The following LUZP2 variants were observed in gnomAD, a reference collection of about 807,000 sequenced individuals.
The protein encoded by LUZP2 is leucine zipper protein 2.
LUZP2 carries 52 observed loss-of-function variants against 51.6 expected under a neutral mutation model. That is an observed-to-expected ratio of 1.01 (90% confidence interval 0.81 to 1.27). The LOEUF (loss-of-function observed/expected upper bound fraction) is 1.27. Ranked by LOEUF, LUZP2 falls within the 50% of genes most tolerant of loss-of-function variation. The pLI, the probability that LUZP2 is intolerant of heterozygous loss-of-function variation, is 0.00. For synonymous variants in LUZP2, 154 were observed against 137.3 expected (o/e 1.12, Z -0.85); for missense variants, 436 against 395.4 (o/e 1.10, Z -0.87).
At chr11:24,683,783 C>A (rs1856817751) in intron 1 of LUZP2, among the ~76,000 whole-genome samples, 1 of 152,204 alleles carries the variant, frequency 6.6e-6, no homozygotes, top group Non-Finnish European at 1.5e-5. Context: ...TGCCCCTAAG[C>A]TGACTCATCT....
At chr11:25,075,407 C>G (rs1859271377) in intron 10 of LUZP2, among the ~76,000 whole-genome samples, 1 of 152,038 alleles carries the variant, frequency 6.6e-6, no homozygotes, top group African/African-American at 2.4e-5. Context: ...TATGAAAATT[C>G]TAAAGTATTG....
intron 1 of LUZP2, among the ~76,000 whole-genome samples, chr11:24,603,437 G>T (rs1853811568): frequency 1.3e-5 from 2 of 151,672 alleles, no homozygotes; most frequent in Admixed American, 6.6e-5. Context: ...TGAAATATTT[G>T]AATATCATCC....
At chr11:25,013,257 T>C (rs1319087619) in intron 9 of LUZP2, among the ~76,000 whole-genome samples, 1 of 151,934 alleles carries the variant, frequency 6.6e-6, no homozygotes, top group African/African-American at 2.4e-5. Flanking sequence ...AGGAGTGGGT[T>C]AATGGGTACA....
chr11:24,673,236 G>A (rs768075702), intron 1 of LUZP2, among the ~76,000 whole-genome samples: 6 of 152,152 alleles, frequency 3.9e-5, no homozygotes, highest in Non-Finnish European at 7.4e-5. Flanking sequence ...AGGTAGAGTA[G>A]AAATACAGTA....
At chr11:24,650,088 G>A (rs879940495) in intron 1 of LUZP2, among the ~76,000 whole-genome samples, 7 of 151,564 alleles carry the variant, frequency 4.6e-5, no homozygotes, top group Non-Finnish European at 7.4e-5. Flanking sequence ...GAAACAATGC[G>A]AAATTCCATC....
chr11:24,761,334 C>A (rs1165185854), intron 4 of LUZP2, among the ~76,000 whole-genome samples: 1 of 152,060 alleles, frequency 6.6e-6, no homozygotes, highest in Non-Finnish European at 1.5e-5. Flanking sequence ...CTCATAATAA[C>A]TCTATTATAA....
At chr11:24,844,504 C>G (rs1851137747) in intron 5 of LUZP2, among the ~76,000 whole-genome samples, 1 of 152,114 alleles carries the variant, frequency 6.6e-6, no homozygotes, top group African/African-American at 2.4e-5. Context: ...AAAGAAAATT[C>G]CATTTTCTGA....
chr11:24,764,447 G>A (rs1374280381), intron 5 of LUZP2, among the ~76,000 whole-genome samples: 35 of 141,776 alleles, frequency 2.5e-4, no homozygotes, highest in Admixed American at 5.2e-4. Flanking sequence ...CTTGAGCCCA[G>A]GAGTTTGAGA....
At chr11:24,856,384 T>C (rs1413564694) in intron 5 of LUZP2, among the ~76,000 whole-genome samples, 2 of 152,098 alleles carry the variant, frequency 1.3e-5, no homozygotes, top group African/African-American at 2.4e-5. Flanking sequence ...CAAAATGAGA[T>C]ACCATCTCAT....
chr11:24,596,804 C>T (rs943076533), intron 1 of LUZP2, among the ~76,000 whole-genome samples: 1 of 152,116 alleles, frequency 6.6e-6, no homozygotes, highest in Non-Finnish European at 1.5e-5. Flanking sequence ...ATGTAGGAAC[C>T]AAAACTATGT....
At chr11:24,717,281 A>AT (rs1302162615) in intron 1 of LUZP2, among the ~76,000 whole-genome samples, 3 of 151,614 alleles carry the variant, frequency 2.0e-5, no homozygotes, top group Non-Finnish European at 2.9e-5. Context: ...TGTAGTCTTA[A>AT]TTTTTTTTCT....
chr11:24,497,438 A>G (rs1849860678), intron 1 of LUZP2, 133 bp downstream of exon 1: 1 of 536,744 alleles, frequency 1.9e-6, no homozygotes, highest in East Asian at 3.5e-5. Flanking sequence ...GGGACGCTGT[A>G]TGGTTTGGGC....
chr11:24,883,508 T>C (rs1188637813), intron 5 of LUZP2, among the ~76,000 whole-genome samples: 2 of 152,000 alleles, frequency 1.3e-5, no homozygotes, highest in African/African-American at 4.8e-5. Context: ...AAATCATCTT[T>C]CTTTGAAATT....
intron 1 of LUZP2, among the ~76,000 whole-genome samples, chr11:24,502,879 G>A (rs1395091015): frequency 6.6e-6 from 1 of 152,192 alleles, no homozygotes; most frequent in African/African-American, 2.4e-5. Context: ...AGGAATAAAA[G>A]TGGAAGTTTT....
At chr11:24,961,457 A>G (rs1235093311) in intron 7 of LUZP2, among the ~76,000 whole-genome samples, 23 of 152,234 alleles carry the variant, frequency 1.5e-4, no homozygotes, top group Admixed American at 1.3e-4. Context: ...TATATTTAGA[A>G]TAGTTAGCTC....
intron 10 of LUZP2, among the ~76,000 whole-genome samples, chr11:25,056,196 A>C (rs1466310581): frequency 6.6e-6 from 1 of 152,214 alleles, no homozygotes; most frequent in Admixed American, 6.5e-5. Context: ...AGCTATAGGA[A>C]GAATAATATT....
chr11:24,931,636 T>G (rs1028779279), intron 7 of LUZP2, among the ~76,000 whole-genome samples: 1 of 152,178 alleles, frequency 6.6e-6, no homozygotes, highest in Admixed American at 6.5e-5. Flanking sequence ...CTTAGACTTT[T>G]GTTTGTTTGT....
intron 6 of LUZP2, among the ~76,000 whole-genome samples, chr11:24,909,898 A>G (rs561683750): frequency 8.1e-4 from 124 of 152,262 alleles, no homozygotes; most frequent in African/African-American, 2.8e-3. Flanking sequence ...AGAGGTTGGA[A>G]CACTTTGGAG....
At chr11:24,991,601 G>A (rs1002093748) in intron 9 of LUZP2, among the ~76,000 whole-genome samples, 1 of 151,666 alleles carries the variant, frequency 6.6e-6, no homozygotes, top group Admixed American at 6.6e-5. Flanking sequence ...GGAATTGCTG[G>A]ATCAAGTGAT....
Sources: allele counts gnomAD v4.1 joint callset (sites outside exome capture counted in the v4.1 genomes callset), GRCh38; gene constraint gnomAD v4.1.1; transcripts MANE v1.5; gene names NCBI Gene and HGNC (gene_info 2026-07-23, HGNC 2026-07-21).